The following CTNNA2 variants were observed in gnomAD, a reference collection of about 807,000 sequenced individuals.
CTNNA2 encodes the protein catenin alpha-2.
A neutral mutation model predicts 101.0 loss-of-function variants in CTNNA2; 42 were observed. That is an observed-to-expected ratio of 0.42 (90% CI 0.32 to 0.54). CTNNA2 has a LOEUF of 0.54. CTNNA2 is among the 20% of genes least tolerant of loss of function. CTNNA2 has a pLI of 0.14. For synonymous variants in CTNNA2, 450 were observed against 456.4 expected, an observed-to-expected ratio of 0.99 and a Z score of 0.18; for missense variants, 871 against 1,223.1, an observed-to-expected ratio of 0.71 and a Z score of 4.29.
chr2:79,206,755 G>A (rs1196145824), intron 2 of CTNNA2, among the ~76,000 whole-genome samples: 1 of 152,116 alleles, frequency 6.6e-6, no homozygotes, highest in Non-Finnish European at 1.5e-5. Context: ...AGGAAGATAT[G>A]GTACCAGTCT....
chr2:79,513,295 G>A (rs1573211413), intron 1 of CTNNA2, 88 bp downstream of exon 1: 1 of 31,020 alleles, frequency 3.2e-5, no homozygotes, highest in Non-Finnish European at 6.3e-5. Flanking sequence ...CCCCCTCCCC[G>A]CTCCCCAACC....
chr2:79,618,319 T>G (rs1678769927), intron 1 of CTNNA2, among the ~76,000 whole-genome samples: 1 of 152,238 alleles, frequency 6.6e-6, no homozygotes, highest in African/African-American at 2.4e-5. Context: ...GTTTCTCTTC[T>G]TTTCCTTTTT....
intron 1 of CTNNA2, among the ~76,000 whole-genome samples, chr2:79,595,059 T>G (rs1677100103): frequency 6.6e-6 from 1 of 152,138 alleles, no homozygotes; most frequent in Non-Finnish European, 1.5e-5. Flanking sequence ...ACTGTGACAT[T>G]CAAGGATTTG....
chr2:80,070,366 A>G (rs766121780), intron 7 of CTNNA2, among the ~76,000 whole-genome samples: 22 of 152,188 alleles, frequency 1.4e-4, no homozygotes, highest in Non-Finnish European at 2.8e-4. Context: ...GTAACACATT[A>G]TCACAAACTT....
intron 2 of CTNNA2, among the ~76,000 whole-genome samples, chr2:79,296,609 C>T (rs1364438882): frequency 3.3e-5 from 5 of 152,210 alleles, no homozygotes; most frequent in African/African-American, 1.2e-4. Context: ...GTAAGACAGA[C>T]AAGGACCCAA....
At chr2:80,450,421 A>C (rs1444572910) in intron 9 of CTNNA2, among the ~76,000 whole-genome samples, 1 of 152,132 alleles carries the variant, frequency 6.6e-6, no homozygotes, top group Non-Finnish European at 1.5e-5. Flanking sequence ...TTTTGGGAAC[A>C]TCCAGAGAAC....
At chr2:79,872,267 T>G (rs1195863945) in intron 5 of CTNNA2, among the ~76,000 whole-genome samples, 1 of 152,206 alleles carries the variant, frequency 6.6e-6, no homozygotes, top group Non-Finnish European at 1.5e-5. Context: ...TAATTCAATA[T>G]TTAGATTGTT....
At chr2:79,235,575 A>G (rs1674545672) in intron 2 of CTNNA2, among the ~76,000 whole-genome samples, 1 of 152,126 alleles carries the variant, frequency 6.6e-6, no homozygotes, top group Admixed American at 6.6e-5. Context: ...GACTGGCCAT[A>G]TCCTTGACAG....
intron 1 of CTNNA2, among the ~76,000 whole-genome samples, chr2:79,513,777 G>T (rs1671658669): frequency 1.3e-5 from 2 of 152,194 alleles, no homozygotes; most frequent in South Asian, 4.1e-4. Context: ...GCTGCCAACA[G>T]CCCCCATACC....
intron 1 of CTNNA2, chr2:79,634,424 C>A (rs1478121858): frequency 6.6e-6 from 1 of 152,158 alleles, no homozygotes; most frequent in Non-Finnish European, 1.5e-5. Flanking sequence ...TTCAGGAGAC[C>A]TTGTTTTGCA....
At chr2:80,090,146 C>CTCTCTG (rs1200774264) in intron 7 of CTNNA2, among the ~76,000 whole-genome samples, 36 of 140,740 alleles carry the variant, frequency 2.6e-4, no homozygotes, top group Middle Eastern at 3.6e-3. Flanking sequence ...CTCTCTCTCT[C>CTCTCTG]TGTGTGTGTG....
chr2:79,860,546 G>GTT (rs56929879), intron 4 of CTNNA2, among the ~76,000 whole-genome samples: 17 of 107,178 alleles, frequency 1.6e-4, no homozygotes, highest in African/African-American at 4.4e-4. Flanking sequence ...AGTAAGGGAA[G>GTT]TTTTTTTTTT....
chr2:80,154,504 G>A (rs1388539102), intron 7 of CTNNA2, among the ~76,000 whole-genome samples: 1 of 152,128 alleles, frequency 6.6e-6, no homozygotes, highest in African/African-American at 2.4e-5. Context: ...CGAGGGGTAG[G>A]GAGCCTGAAA....
At chr2:80,354,898 T>C (rs1192309654) in intron 7 of CTNNA2, among the ~76,000 whole-genome samples, 1 of 152,128 alleles carries the variant, frequency 6.6e-6, no homozygotes, top group Non-Finnish European at 1.5e-5. Flanking sequence ...GGATTGTTGC[T>C]CTAGATGGGA....
At chr2:79,947,770 A>G (rs1025102152) in intron 7 of CTNNA2, among the ~76,000 whole-genome samples, 3 of 152,196 alleles carry the variant, frequency 2.0e-5, no homozygotes, top group African/African-American at 7.2e-5. Context: ...CACCTAGAAG[A>G]TGAGTGCACA....
At chr2:79,823,717 A>G (rs1335315182) in intron 3 of CTNNA2, among the ~76,000 whole-genome samples, 1 of 152,178 alleles carries the variant, frequency 6.6e-6, no homozygotes, top group African/African-American at 2.4e-5. Flanking sequence ...TCATCTCTTC[A>G]TTATTATAGT....
intron 3 of CTNNA2, among the ~76,000 whole-genome samples, chr2:79,830,668 T>C (rs1357592292): frequency 1.3e-5 from 2 of 152,118 alleles, no homozygotes; most frequent in East Asian, 3.9e-4. Context: ...TCTGACAAGC[T>C]GGTCTAGCAG....
At chr2:79,286,031 T>C (rs1321252579) in intron 2 of CTNNA2, among the ~76,000 whole-genome samples, 3 of 150,762 alleles carry the variant, frequency 2.0e-5, no homozygotes, top group Admixed American at 2.0e-4. Flanking sequence ...TCTCTTTTGA[T>C]CTTTGTTGGT....
chr2:80,233,231 T>C (rs1412678220), intron 7 of CTNNA2, among the ~76,000 whole-genome samples: 1 of 152,122 alleles, frequency 6.6e-6, no homozygotes, highest in Non-Finnish European at 1.5e-5. Context: ...TTGCAAAAAT[T>C]GTGAATTATT....
Sources: gnomAD v4.1 joint callset for allele counts (sites outside exome capture counted in the v4.1 genomes callset) on GRCh38, gnomAD v4.1.1 for gene constraint, MANE v1.5 for transcripts, NCBI Gene and HGNC (gene_info 2026-07-23, HGNC 2026-07-21) for gene names.